XRN2: variants seen among roughly 807,000 people sequenced by gnomAD.
The protein encoded by XRN2 is 5'-3' exoribonuclease 2.
In XRN2, 44 loss-of-function variants were observed where a neutral mutation model predicts 138.5. That is an observed-to-expected ratio of 0.32 (90% CI 0.25 to 0.41). The LOEUF (loss-of-function observed/expected upper bound fraction) is 0.41, where lower values mean the gene tolerates loss of function less well. XRN2 is among the 10% of genes least tolerant of loss of function. The pLI, the probability that XRN2 is intolerant of heterozygous loss-of-function variation, is 1.00. For missense variants in XRN2, 937 were observed against 1,169.3 expected (o/e 0.80, Z 2.90); for synonymous variants, 354 against 369.4 (o/e 0.96, Z 0.48).
chr20:21,375,221 G>GT (rs1331585884), intron 27 of XRN2, among the ~76,000 whole-genome samples: 33 of 143,638 alleles, frequency 2.3e-4, no homozygotes, highest in East Asian at 8.2e-4. Context: ...TAATTTTATT[G>GT]TTTTTTTTTC....
chr20:21,318,762 A>AT (rs913449085), intron 1 of XRN2, among the ~76,000 whole-genome samples: 7 of 150,288 alleles, frequency 4.7e-5, no homozygotes, highest in Admixed American at 3.3e-4. Context: ...GAATTTGCCA[A>AT]TTTTTTTTTC....
intron 1 of XRN2, among the ~76,000 whole-genome samples, chr20:21,322,886 G>A (rs964958492): frequency 2.6e-5 from 4 of 152,230 alleles, no homozygotes; most frequent in African/African-American, 9.7e-5. Context: ...TTGACTGCCA[G>A]CCTTCTGGTA....
At chr20:21,346,583 G>A (rs759517404) in intron 17 of XRN2, 33 bp downstream of exon 17, 37 of 1,588,732 alleles carry the variant, frequency 2.3e-5, no homozygotes, top group Non-Finnish European at 3.0e-5. Flanking sequence ...TGAATTTGTA[G>A]TTAATCATTT....
intron 17 of XRN2, 94 bp downstream of exon 17, chr20:21,346,644 G>C: frequency 6.7e-7 from 1 of 1,489,974 alleles, no homozygotes; most frequent in Non-Finnish European, 9.1e-7. Context: ...TTTTGAGACG[G>C]AGTCTTGCCC....
At position 21,340,865 on chromosome 20, in the gene XRN2, C is replaced by G; in HGVS notation, c.1410+13C>G. On this transcript the variant is annotated intron_variant, in intron 15 of 29. Coordinates refer to ENST00000377191, the MANE Select transcript of XRN2 (RefSeq NM_012255.5). Reference sequence around the variant, plus strand: ...GCAGAATAACTCTGTAAGTGGCTTACTTTTATGTGACATTTAAGAGTGGTG... The same window carrying G: ...GCAGAATAACTCTGTAAGTGGCTTAGTTTTATGTGACATTTAAGAGTGGTG... The G allele has an allele frequency of 6.2e-7, 1 of 1,613,428 alleles. No homozygotes were observed. The highest frequency in any genetic ancestry group is 8.5e-7 in the Non-Finnish European group (1 of 1,179,570).
In XRN2 at chr20:21,366,506, G is replaced by A. The variant is rs560070192; in HGVS notation, c.2456+802G>A. ...TGGGAGGCGGAGCTTGCAGTGAGCT[G>A]AGATTGCGTCACTGCACTCCAGCCT... On this transcript the variant is annotated intron_variant, in intron 26 of 29. Transcript: ENST00000377191. Among the ~76,000 whole-genome samples, 46 of 150,744 alleles carry A rather than the reference G, an allele frequency of 3.1e-4. 1 individual carries two copies. The East Asian group carries it at 9.1e-3, about 30-fold the overall frequency.
chr20:21,350,972 G>C (rs2038503117), intron 20 of XRN2, among the ~76,000 whole-genome samples: 1 of 152,152 alleles, frequency 6.6e-6, no homozygotes, highest in Non-Finnish European at 1.5e-5. Context: ...AGGATGTCTT[G>C]ATTAAAGCAG....
intron 27 of XRN2, among the ~76,000 whole-genome samples, chr20:21,375,854 T>C (rs2038815512): frequency 6.6e-6 from 1 of 151,446 alleles, no homozygotes; most frequent in African/African-American, 2.4e-5. Context: ...TATTTATTTA[T>C]TTGAGACGGA....
At chr20:21,368,702 C>A in intron 27 of XRN2, 112 bp downstream of exon 27, 1 of 1,383,800 alleles carries the variant, frequency 7.2e-7, no homozygotes, top group Non-Finnish European at 9.7e-7. Context: ...AGACAGTGAA[C>A]TTTAAAAACA....
At chr20:21,385,776 G>T (rs1010781948) in intron 28 of XRN2, among the ~76,000 whole-genome samples, 1 of 152,150 alleles carries the variant, frequency 6.6e-6, no homozygotes, top group Admixed American at 6.5e-5. Flanking sequence ...GCCCAGCGCC[G>T]GGCTTTTTTC....
At chr20:21,379,213 C>T (rs1270481710) in intron 27 of XRN2, among the ~76,000 whole-genome samples, 2 of 152,162 alleles carry the variant, frequency 1.3e-5, no homozygotes, top group Non-Finnish European at 2.9e-5. Flanking sequence ...TTTCCACTCT[C>T]GCCTGTACCT....
At chr20:21,328,525 G>C (rs1290441881) in intron 3 of XRN2, 34 bp from the exon 4 acceptor site, 1 of 1,573,518 alleles carries the variant, frequency 6.4e-7, no homozygotes, top group Non-Finnish European at 8.7e-7. Flanking sequence ...TGAATATTTT[G>C]ATGAGTGTTA....
intron 1 of XRN2, among the ~76,000 whole-genome samples, chr20:21,310,081 T>G (rs1268006690): frequency 6.6e-6 from 1 of 152,232 alleles, no homozygotes; most frequent in Non-Finnish European, 1.5e-5. Context: ...ATATAGATCT[T>G]GAGTGCCATA....
At chr20:21,313,460 T>G (rs1309167741) in intron 1 of XRN2, among the ~76,000 whole-genome samples, 1 of 152,200 alleles carries the variant, frequency 6.6e-6, no homozygotes, top group Non-Finnish European at 1.5e-5. Context: ...AGTAGACATA[T>G]TTGCAAATAT....
intron 13 of XRN2, among the ~76,000 whole-genome samples, chr20:21,336,893 A>G (rs2038302609): frequency 6.6e-6 from 1 of 152,234 alleles, no homozygotes; most frequent in Non-Finnish European, 1.5e-5. Context: ...AGCACACTGC[A>G]GATGTTTTCA....
At chr20:21,310,345 G>C (rs550315398) in intron 1 of XRN2, among the ~76,000 whole-genome samples, 8 of 152,198 alleles carry the variant, frequency 5.3e-5, no homozygotes, top group African/African-American at 1.7e-4. Flanking sequence ...TTCAGAATAT[G>C]GTCTCTATAA....
chr20:21,371,727 A>G (rs1431995547), intron 27 of XRN2, among the ~76,000 whole-genome samples: 1 of 152,234 alleles, frequency 6.6e-6, no homozygotes, highest in East Asian at 1.9e-4. Context: ...CATGGATACC[A>G]TGGCCTTTTG....
intron 23 of XRN2, 106 bp from the exon 24 acceptor site, chr20:21,357,630 A>C: frequency 1.2e-6 from 1 of 863,436 alleles, no homozygotes; most frequent in Admixed American, 3.2e-5. Flanking sequence ...GTGCATTCTA[A>C]TGATTTATCT....
intron 27 of XRN2, 130 bp from the exon 28 acceptor site, chr20:21,381,864 A>G (rs1470252801): frequency 1.5e-6 from 1 of 657,656 alleles, no homozygotes; most frequent in Non-Finnish European, 2.4e-6. Flanking sequence ...GTGTGTTATT[A>G]TGATACTAGT....
Sources: allele counts gnomAD v4.1 joint callset (sites outside exome capture counted in the v4.1 genomes callset), GRCh38; gene constraint gnomAD v4.1.1; transcripts MANE v1.5; gene names NCBI Gene and HGNC (gene_info 2026-07-23, HGNC 2026-07-21).